MED16: variants seen among roughly 807,000 people sequenced by gnomAD.
MED16 encodes the protein mediator of RNA polymerase II transcription subunit 16.
In MED16, 81 loss-of-function variants were observed where a neutral mutation model predicts 84.4. The observed-to-expected ratio is 0.96, with a 90% CI of 0.80 to 1.15. The LOEUF is 1.15. MED16 is among the 50% of genes most tolerant of loss of function. MED16 has a pLI of 0.00. For synonymous variants in MED16, 897 were observed against 552.2 expected, an observed-to-expected ratio of 1.62 and a Z score of -8.76; for missense variants, 1,585 against 1,245.9, an observed-to-expected ratio of 1.27 and a Z score of -4.10.
chr19:881,051 G>A (rs906281797), intron 7 of MED16, among the ~76,000 whole-genome samples: 2 of 152,148 alleles, frequency 1.3e-5, no homozygotes, highest in African/African-American at 4.8e-5. Context: ...CCCCGAGCGG[G>A]TTTTGATAAA....
rs1335767045 is a variant in MED16, at chr19:871,532, T to C, written c.2099-279A>G. ...GAAGCACTGTGCCTTTTCCAGACAC[T>C]GGGATGTAAGAATGACACAGCTCAC... On this transcript the variant is annotated intron_variant, in intron 12 of 15. Transcript: ENST00000325464. 13 of 1,573,408 alleles carry C rather than the reference T, an allele frequency of 8.3e-6. 1 individual carries two copies. The highest frequency in any genetic ancestry group is 4.5e-5 in the South Asian group (4 of 87,992).
At position 871,183 on chromosome 19, in the gene MED16, C is replaced by T. The variant is rs2036042698; in HGVS notation, c.2169G>A (p.Gln723=). 1.3e-5 allele frequency: 20 copies of T among 1,549,564 alleles called. No individual in the cohort carries two copies. The highest frequency in any genetic ancestry group is 1.7e-5 in the Non-Finnish European group (19 of 1,146,452). ...GCCAGTCCAGGCTGGGGATAAGCAG[C>T]TGGCTGGGCAGCAGGCAGCATTCAT... ...LVDECCLLPS[Q]LLIPSLDWLP... is the part of the protein sequence containing the mutation. The change falls in exon 13 of 16, where the codon CAG becomes CAA. Residue 723 remains glutamine (Q), a synonymous_variant. Coordinates refer to ENST00000325464, the MANE Select transcript of MED16 (RefSeq NM_005481.3).
At position 872,079 on chromosome 19, in the gene MED16, C is replaced by T. The variant is rs202122968; in HGVS notation, c.1945G>A (p.Gly649Ser). The change falls in exon 12 of 16, where the codon GGC becomes AGC. Residue 649 changes from glycine to serine, a missense_variant. Transcript: ENST00000325464. ...LRPGHSFLRD[G>S]TSLGMLRELM... Reference sequence around the variant, plus strand: ...TCCCGAAGCATGCCCAGCGAGGTGCCGTCCCGCAGAAAGCTGTGGCCCGGC... The same window carrying T: ...TCCCGAAGCATGCCCAGCGAGGTGCTGTCCCGCAGAAAGCTGTGGCCCGGC... 15 of 1,608,976 alleles carry T rather than the reference C, an allele frequency of 9.3e-6. No individual in the cohort carries two copies. The highest frequency in any genetic ancestry group is 1.7e-4 in the Middle Eastern group (1 of 6,046).
At chr19:877,230 T>G in intron 8 of MED16, 50 bp from the exon 9 acceptor site, 1 of 1,548,490 alleles carries the variant, frequency 6.5e-7, no homozygotes, top group Non-Finnish European at 8.7e-7. Flanking sequence ...GGCTGCGCCC[T>G]CAGCCGGGAG....
At chr19:872,550 G>C (rs925002949) in intron 11 of MED16, among the ~76,000 whole-genome samples, 3 of 151,910 alleles carry the variant, frequency 2.0e-5, no homozygotes, top group African/African-American at 7.3e-5. Flanking sequence ...ACTTCAAACC[G>C]TCCGTGATGG....
intron 4 of MED16, among the ~76,000 whole-genome samples, chr19:888,549 A>T (rs1450100712): frequency 6.7e-6 from 1 of 149,836 alleles, no homozygotes; most frequent in Non-Finnish European, 1.5e-5. Context: ...AAAAAGATAA[A>T]GGTCTGAGGT....
intron 5 of MED16, 33 bp downstream of exon 5, chr19:885,737 T>C (rs374542728): frequency 2.6e-4 from 415 of 1,592,442 alleles, no homozygotes; most frequent in Non-Finnish European, 3.3e-4. Flanking sequence ...ATTCCAAGCC[T>C]GCCAGCCCAC....
At chr19:871,489 C>A in intron 12 of MED16, 1 of 1,482,842 alleles carries the variant, frequency 6.7e-7, no homozygotes, top group South Asian at 1.2e-5. Flanking sequence ...CTCCCTCATT[C>A]ACTTAAAAAG....
chr19:877,049 C>T lies in MED16; in HGVS notation c.1485G>A (p.Val495=), dbSNP rs749506382. 29 of 1,612,510 alleles carry T rather than the reference C, an allele frequency of 1.8e-5. No individual in the cohort carries two copies. Among genetic ancestry groups the T allele is most frequent in the Middle Eastern group, 1.6e-4 (1 of 6,076 alleles). Residue 495 remains valine (V), a synonymous_variant, in exon 9 of 16, where the codon GTG becomes GTA. Transcript: ENST00000325464. The stretch of plus-strand genomic sequence containing the variant: ...CCAGGCTCTGTACCATACTGGGCTG[C>T]ACGTGCAGCAGGATGTCCCACCAGT... ...GYDWWDILLH[V]QPSMVQSLVE...
intron 8 of MED16, among the ~76,000 whole-genome samples, chr19:877,687 C>T (rs1476419692): frequency 1.4e-5 from 2 of 145,070 alleles, no homozygotes; most frequent in African/African-American, 5.2e-5. Flanking sequence ...AGCAGCTCGC[C>T]TTCCCCTGGT....
At position 868,513 on chromosome 19, in the gene MED16, G is replaced by A; in HGVS notation, c.2400-14C>T. On this transcript the variant is annotated splice_polypyrimidine_tract_variant and intron_variant, in intron 14 of 15. Coordinates refer to ENST00000325464, the MANE Select transcript of MED16 (RefSeq NM_005481.3). ...ACACAGCCGCACCTGCGGGGAGGCA[G>A]GCACTGAGCGGGTTCCCACTTCCAG... The A allele has an allele frequency of 6.2e-7, 1 of 1,607,818 alleles. No individual in the cohort carries two copies. The highest frequency in any genetic ancestry group is 8.5e-7 in the Non-Finnish European group (1 of 1,179,610).
At chr19:884,808 C>T in intron 6 of MED16, 95 bp downstream of exon 6, 2 of 985,716 alleles carry the variant, frequency 2.0e-6, no homozygotes, top group South Asian at 2.8e-5. Flanking sequence ...GGGTTCAGGA[C>T]CACCCTGGGT....
chr19:889,557 T>C (rs939782543), intron 4 of MED16, 81 bp downstream of exon 4: 6 of 1,505,728 alleles, frequency 4.0e-6, no homozygotes, highest in African/African-American at 2.8e-5. Context: ...ATGCTGGTGA[T>C]GGAGAGGAGA....
In MED16 at chr19:885,822, T is replaced by C. The variant is rs2036513751; in HGVS notation, c.827A>G (p.Lys276Arg). 4 of 1,613,324 alleles carry C rather than the reference T, an allele frequency of 2.5e-6. No homozygotes were observed. Among genetic ancestry groups the C allele is most frequent in the African/African-American group, 2.7e-5 (2 of 74,936 alleles). Residue 276 changes from lysine to arginine, a missense_variant, in exon 5 of 16, where the codon AAG (lysine) becomes AGG (arginine). Physicochemically the swap from Lys to Arg is conservative, Grantham distance 26 (BLOSUM62 2). Transcript: ENST00000325464. ...CTTGAGGTGGGTGATGGCGGGAAAC[T>C]TGTCCTTGCGGTTGAGGTCGGTGGT... ...RCTTDLNRKD[K>R]FPAITHLKFL... is the part of the protein sequence containing the mutation.
Position 868,141 on chromosome 19 carries a change from G to A in MED16, c.2594C>T (p.Pro865Leu). Residue 865 changes from proline (P) to leucine (L), a missense_variant, in exon 16 of 16, where the codon CCC becomes CTC. Transcript: ENST00000325464. ...TGGATGCAGATGGTCCAGGGATCTG[G>A]GGGTCCTGGGAGAGTGGTGTGTGGA... Reference protein sequence around the residue: ...PQSTHHSPRTPRSLDHLHPED... With the variant: ...PQSTHHSPRTLRSLDHLHPED... 6.2e-7 allele frequency: 1 copy of A among 1,611,840 alleles called. No individual in the cohort carries two copies. The highest frequency in any genetic ancestry group is 2.2e-5 in the East Asian group (1 of 44,870).
At chr19:878,179 A>G (rs1218526922) in intron 8 of MED16, among the ~76,000 whole-genome samples, 7 of 64,644 alleles carry the variant, frequency 1.1e-4, no homozygotes, top group South Asian at 6.0e-4. Flanking sequence ...ATGCCCACCG[A>G]GCCCAGCCCC....
In MED16 at chr19:886,114, A is replaced by G; in HGVS notation, c.535T>C (p.Trp179Arg). 1 of 1,584,844 alleles carries G rather than the reference A, an allele frequency of 6.3e-7. No individual in the cohort carries two copies. ...TLFGGKPMEGWIAVTVSGLVT... is the reference protein window; with the variant it reads ...TLFGGKPMEGRIAVTVSGLVT... ...AGGCCGCTGACCGTCACCGCGATCCAGCCCTCCATGGGCTTGCCGCCGAAC... is the reference window on the plus strand; with the variant it reads ...AGGCCGCTGACCGTCACCGCGATCCGGCCCTCCATGGGCTTGCCGCCGAAC... The change falls in exon 5 of 16, where the codon TGG becomes CGG. Residue 179 changes from tryptophan (W) to arginine (R), a missense_variant. By Grantham distance (101) the Trp-to-Arg change is moderately radical (BLOSUM62 -3). Coordinates refer to ENST00000325464, the MANE Select transcript of MED16 (RefSeq NM_005481.3).
Position 891,124 on chromosome 19 carries a change from T to A in MED16, c.8A>T (p.Asp3Val), listed in dbSNP as rs898845427. 2.5e-6 allele frequency: 4 copies of A among 1,612,936 alleles called. 1 individual carries two copies. Among genetic ancestry groups the A allele is most frequent in the Non-Finnish European group, 3.4e-6 (4 of 1,179,496 alleles). Residue 3 changes from aspartate to valine, a missense_variant, in exon 2 of 16, where the codon GAT becomes GTT. Coordinates refer to ENST00000325464, the MANE Select transcript of MED16 (RefSeq NM_005481.3). MC[D>V]LRRPAAGGMM... ...CCCACCTGCCGCTGGCCGCCGCAAA[T>A]CACACATGAGGGCAGTCACCAGCTC...
chr19:890,109 C>G, intron 3 of MED16, 28 bp downstream of exon 3: 1 of 1,519,506 alleles, frequency 6.6e-7, no homozygotes, highest in Non-Finnish European at 8.9e-7. Flanking sequence ...GGGTCGCCAC[C>G]CCTGGCCACG....
Sources: gnomAD v4.1 joint callset for allele counts (sites outside exome capture counted in the v4.1 genomes callset) on GRCh38, gnomAD v4.1.1 for gene constraint, MANE v1.5 for transcripts, NCBI Gene and HGNC (gene_info 2026-07-23, HGNC 2026-07-21) for gene names.